KLHL11: variants seen among roughly 807,000 people sequenced by gnomAD.
KLHL11 encodes kelch like family member 11.
In KLHL11, 26 loss-of-function variants were observed where a neutral mutation model predicts 56.1. The ratio of observed to expected loss-of-function variants is 0.46; its 90% CI spans 0.34 to 0.64. The LOEUF (loss-of-function observed/expected upper bound fraction) is 0.64. Among genes scored for constraint, KLHL11 ranks in the 30% least tolerant of loss-of-function variants. KLHL11 has a pLI of 0.01. For missense variants in KLHL11, 627 were observed against 919.4 expected (o/e 0.68, Z 4.11); for synonymous variants, 338 against 345.8 (o/e 0.98, Z 0.25).
chr17:41,860,454 T>C (rs1555622972), intron 1 of KLHL11, among the ~76,000 whole-genome samples: 1 of 152,058 alleles, frequency 6.6e-6, no homozygotes, highest in African/African-American at 2.4e-5. Context: ...TTAAATGTGA[T>C]GGTTGCAGGG....
At chr17:41,859,481 C>A (rs2048389190) in intron 1 of KLHL11, among the ~76,000 whole-genome samples, 1 of 152,112 alleles carries the variant, frequency 6.6e-6, no homozygotes, top group Admixed American at 6.5e-5. Flanking sequence ...AGGAGAATCG[C>A]TTGAACCCGG....
rs2048346678 is a variant in KLHL11 at position 41,853,860 on chromosome 17, T to C, written c.2007A>G (p.Thr669=). ...VRIPYRYLHG[T]QRYPMPQNLM... ...GGTTTTGAGGCATAGGGTATCTCTGTGTGCCATGCAAGTACCGGTATGGGA... is the reference window on the plus strand; with the variant it reads ...GGTTTTGAGGCATAGGGTATCTCTGCGTGCCATGCAAGTACCGGTATGGGA... The change falls in exon 2 of 2, where the codon ACA becomes ACG. Residue 669 remains threonine, a synonymous_variant. Transcript: ENST00000319121. 2 of 1,614,200 alleles carry C rather than the reference T, an allele frequency of 1.2e-6. No individual in the cohort carries two copies. Among genetic ancestry groups the C allele is most frequent in the Non-Finnish European group, 8.5e-7 (1 of 1,180,034 alleles).
Position 41,852,273 on chromosome 17 carries a change from C to T in KLHL11, c.*1467G>A, listed in dbSNP as rs2048336218. 6.6e-6 allele frequency among the ~76,000 whole-genome samples: 1 copy of T among 151,942 alleles called. No individual in the cohort carries two copies. Among genetic ancestry groups the T allele is most frequent in the Non-Finnish European group, 1.5e-5 (1 of 67,980 alleles). On this transcript the variant is annotated 3_prime_UTR_variant, in exon 2 of 2. Transcript: ENST00000319121. ...CTCAAAATCTGCCCACCTCAGCCTC[C>T]TCCAAAGTGTTGGGATTACAGTCAT...
At chr17:41,861,317 C>G (rs1282474271) in intron 1 of KLHL11, among the ~76,000 whole-genome samples, 1 of 152,168 alleles carries the variant, frequency 6.6e-6, no homozygotes, top group Non-Finnish European at 1.5e-5. Flanking sequence ...TTAGAGTTTT[C>G]ATATTTTGTA....
chr17:41,865,388 C>A lies in KLHL11; in HGVS notation c.-18G>T. On this transcript the variant is annotated 5_prime_UTR_variant, in exon 1 of 2. Transcript: ENST00000319121. Reference sequence around the variant, plus strand: ...GCCGCCATCTTGACGCCGCTGCGCCCGGCCTCCACAGCCTCGGAACGATGC... The same window carrying A: ...GCCGCCATCTTGACGCCGCTGCGCCAGGCCTCCACAGCCTCGGAACGATGC... 1.5e-6 allele frequency: 2 copies of A among 1,352,248 alleles called. No individual in the cohort carries two copies. Among genetic ancestry groups the A allele is most frequent in the Non-Finnish European group, 1.9e-6 (2 of 1,036,330 alleles). 83.8% of individuals were successfully genotyped at this position (1,352,248 alleles called of 1,614,324 possible).
Position 41,855,303 on chromosome 17 carries a change from T to C in KLHL11, c.564A>G (p.Leu188=), listed in dbSNP as rs1555622423. The part of the protein sequence containing the change: ...ELADRFLLIR[L]KEFCGEFLKK... ...TGAGAAATTCTCCACAAAATTCTTT[T>C]AAACGAATGAGTAGGAACCTAAAAT... Residue 188 remains leucine, a synonymous_variant, in exon 2 of 2, where the codon TTA becomes TTG. Coordinates refer to ENST00000319121, the MANE Select transcript of KLHL11 (RefSeq NM_018143.3). 3.8e-6 allele frequency: 6 copies of C among 1,576,080 alleles called. No individual in the cohort carries two copies. The highest frequency in any genetic ancestry group is 1.4e-5 in the African/African-American group (1 of 73,890).
Position 41,865,043 on chromosome 17 carries a change from C to T in KLHL11, c.328G>A (p.Ala110Thr). ...FGGAGGREFR[A>T]HRSVLAAATE... is the part of the protein sequence containing the mutation. ...GCGGCAGCCAGTACCGAGCGGTGGG[C>T]CCGGAACTCGCGGCCTCCAGCCCCG... Residue 110 changes from alanine (A) to threonine (T), a missense_variant, in exon 1 of 2, where the codon GCC (alanine) becomes ACC (threonine). Ala to Thr is a moderately conservative substitution (Grantham distance 58, BLOSUM62 0). This residue lies in a region of KLHL11 where 150 missense variants were observed against 215.7 expected (regional missense o/e 0.70). Transcript: ENST00000319121. 1 of 1,587,134 alleles carries T rather than the reference C, an allele frequency of 6.3e-7. No homozygotes were observed. The highest frequency in any genetic ancestry group is 8.6e-7 in the Non-Finnish European group (1 of 1,164,496).
chr17:41,860,851 AC>A (rs782403297), intron 1 of KLHL11, among the ~76,000 whole-genome samples: 58 of 152,170 alleles, frequency 3.8e-4, no homozygotes, highest in South Asian at 2.5e-3. Context: ...TATGGATTCT[AC>A]ACTGAAGAAT....
chr17:41,855,990 C>A (rs1450467133), intron 1 of KLHL11, among the ~76,000 whole-genome samples: 8 of 139,252 alleles, frequency 5.7e-5, no homozygotes, highest in East Asian at 4.2e-4. Context: ...CCATCCCCCC[C>A]CCAAAAAAAA....
rs58265395 is a variant in KLHL11, at chr17:41,863,190, CT to C, written c.545+1635del. On this transcript the variant is annotated intron_variant, in intron 1 of 1. Coordinates refer to ENST00000319121, the MANE Select transcript of KLHL11 (RefSeq NM_018143.3). ...CCTCCCCAATGCCACATCCTTTGTT[CT>C]TTTTTTTTTTTTTTTTTGAGACAGA... is the stretch of plus-strand genomic sequence containing the variant. Among the ~76,000 whole-genome samples the C allele has an allele frequency of 4.8e-4, 64 of 133,044 alleles. 1 individual carries two copies. The Middle Eastern group carries it at 0.012, about 24-fold the overall frequency. The allele number at this position is 133,044 out of a possible 152,430, so 87.3% of individuals were successfully genotyped here.
At chr17:41,861,744 G>C (rs1397658442) in intron 1 of KLHL11, among the ~76,000 whole-genome samples, 2 of 150,684 alleles carry the variant, frequency 1.3e-5, no homozygotes, top group African/African-American at 4.9e-5. Flanking sequence ...ATGAGAGGGA[G>C]GAAAGGGATC....
chr17:41,858,445 T>TCC (rs202165085), intron 1 of KLHL11, among the ~76,000 whole-genome samples: 1 of 57,858 alleles, frequency 1.7e-5, no homozygotes, highest in Non-Finnish European at 3.7e-5. Flanking sequence ...GTTGTTTTTC[T>TCC]CCCCGAGATG....
At chr17:41,864,789 G>C in intron 1 of KLHL11, 37 bp downstream of exon 1, 3 of 1,475,970 alleles carry the variant, frequency 2.0e-6, no homozygotes, top group Non-Finnish European at 2.7e-6. Flanking sequence ...CCCTCTCCGC[G>C]CCCGCCGCCC....
chr17:41,849,045 T>C lies in KLHL11; in HGVS notation c.*4695A>G, dbSNP rs2048317264. 6.6e-6 allele frequency: 1 copy of C among 152,244 alleles called. No individual in the cohort carries two copies. 9.4% of individuals were successfully genotyped at this position (152,244 alleles called of 1,614,324 possible). A position where few individuals can be genotyped will look rare whatever the true frequency, so the allele number is the denominator to read the frequency against. On this transcript the variant is annotated 3_prime_UTR_variant, in exon 2 of 2. Coordinates refer to ENST00000319121, the MANE Select transcript of KLHL11 (RefSeq NM_018143.3). ...TATTACATCACCCAACTATGAGCTGTTCTGTTTCCAATGACCAGAACATAC... is the reference window on the plus strand; with the variant it reads ...TATTACATCACCCAACTATGAGCTGCTCTGTTTCCAATGACCAGAACATAC...
rs200736492 is a variant in KLHL11 at position 41,854,819 on chromosome 17, G to C, written c.1048C>G (p.Leu350Val). ...TCQHPTSHVS[L>V]LPRYGQNMDV... Reference sequence around the variant, plus strand: ...ATGTTTTGCCCATAACGAGGCAATAGTGACACATGAGAAGTGGGGTGCTGG... The same window carrying C: ...ATGTTTTGCCCATAACGAGGCAATACTGACACATGAGAAGTGGGGTGCTGG... The change falls in exon 2 of 2, where the codon CTA (leucine) becomes GTA (valine). Residue 350 changes from leucine to valine, a missense_variant. Leu to Val is a conservative substitution (Grantham distance 32, BLOSUM62 1). Transcript: ENST00000319121. The surrounding 1 kb of genome is among the most constrained non-coding windows in gnomAD (Gnocchi z 4.9). 6.2e-7 allele frequency: 1 copy of C among 1,614,194 alleles called. No individual in the cohort carries two copies. Among genetic ancestry groups the C allele is most frequent in the African/African-American group, 1.3e-5 (1 of 75,062 alleles).
At position 41,864,897 on chromosome 17, in the gene KLHL11, G is replaced by C. The variant is rs1207607364; in HGVS notation, c.474C>G (p.Ile158Met). ...GGATGCGCCCGGTGTACATGTACTC[G>C]ATTACGGCTTCCACTGTGTCGGGTT... ...GPEPDTVEAV[I>M]EYMYTGRIRV... The change falls in exon 1 of 2, where the codon ATC (isoleucine) becomes ATG (methionine). Residue 158 changes from isoleucine (I) to methionine (M), a missense_variant. Physicochemically the swap from Ile to Met is conservative, Grantham distance 10. This residue lies in a region of KLHL11 where 150 missense variants were observed against 215.7 expected (regional missense o/e 0.70). Coordinates refer to ENST00000319121, the MANE Select transcript of KLHL11 (RefSeq NM_018143.3). 1 of 1,608,974 alleles carries C rather than the reference G, an allele frequency of 6.2e-7. No homozygotes were observed. The highest frequency in any genetic ancestry group is 1.7e-5 in the Admixed American group (1 of 59,448).
intron 1 of KLHL11, among the ~76,000 whole-genome samples, chr17:41,857,880 G>A (rs6503673): frequency 2.2e-4 from 34 of 152,212 alleles, no homozygotes; most frequent in African/African-American, 7.7e-4. Context: ...ACACTGGCGC[G>A]ATCTCTGCTC....
At chr17:41,855,420 C>A (rs2048358597) in intron 1 of KLHL11, 99 bp from the exon 2 acceptor site, 2 of 885,104 alleles carry the variant, frequency 2.3e-6, no homozygotes, top group East Asian at 5.3e-5. Context: ...ACTCTGCCAC[C>A]CAGGTTGGAG....
At position 41,853,518 on chromosome 17, in the gene KLHL11, CACAA is replaced by C. The variant is rs1421641910; in HGVS notation, c.*218_*221del. The C allele has an allele frequency of 5.6e-5, 27 of 478,734 alleles. No individual in the cohort carries two copies. Among genetic ancestry groups the C allele is most frequent in the Admixed American group, 2.3e-4 (6 of 25,974 alleles). The allele number at this position is 478,734 out of a possible 1,614,324, so 29.7% of individuals were successfully genotyped here. A position where few individuals can be genotyped will look rare whatever the true frequency, so the allele number is the denominator to read the frequency against. ...CCTTAATAAGATCTTATTTAGCTAG[CACAA>C]ACAAACAAACCAAAGACAAAAATTG... On this transcript the variant is annotated 3_prime_UTR_variant, in exon 2 of 2. Transcript: ENST00000319121.
Sources: gnomAD v4.1 joint callset for allele counts (sites outside exome capture counted in the v4.1 genomes callset) on GRCh38, gnomAD v4.1.1 for gene constraint, gnomAD v4.1.1 regional missense constraint, Gnocchi (gnomAD v3.1) non-coding constraint, MANE v1.5 for transcripts, NCBI Gene and HGNC (gene_info 2026-07-23, HGNC 2026-07-21) for gene names.